The following LDLRAD4 variants were observed in gnomAD, a reference collection of about 807,000 sequenced individuals.
LDLRAD4 encodes the protein low-density lipoprotein receptor class A domain-containing protein 4.
Under a neutral mutation model 17.0 loss-of-function variants are expected in LDLRAD4, and 5 were observed. That is an observed-to-expected ratio of 0.29 (90% confidence interval 0.15 to 0.62). The LOEUF is 0.62. Among genes scored for constraint, LDLRAD4 ranks in the 20% least tolerant of loss-of-function variants. LDLRAD4 has a pLI of 0.84. For synonymous variants in LDLRAD4, 168 were observed against 171.8 expected (o/e 0.98, Z 0.17); for missense variants, 340 against 424.7 (o/e 0.80, Z 1.75).
intron 1 of LDLRAD4, among the ~76,000 whole-genome samples, chr18:13,289,052 A>G (rs2045816499): frequency 1.3e-5 from 2 of 152,236 alleles, no homozygotes; most frequent in East Asian, 1.9e-4. Flanking sequence ...TAGAAACACC[A>G]GTCAGGCCTC....
At chr18:13,257,718 C>T (rs995010550) in intron 1 of LDLRAD4, among the ~76,000 whole-genome samples, 1 of 152,182 alleles carries the variant, frequency 6.6e-6, no homozygotes, top group African/African-American at 2.4e-5. Context: ...TTGGTTGTCA[C>T]AAGTGGGAGG....
chr18:13,451,630 A>G (rs61287701), intron 3 of LDLRAD4, among the ~76,000 whole-genome samples: 32,101 of 152,106 alleles, frequency 0.21, 5,235 homozygotes, highest in African/African-American at 0.46. Context: ...ATAAACAATC[A>G]AAATGTGCAT....
intron 1 of LDLRAD4, among the ~76,000 whole-genome samples, chr18:13,244,583 T>G (rs961655308): frequency 1.3e-5 from 2 of 152,252 alleles, no homozygotes; most frequent in African/African-American, 4.8e-5. Flanking sequence ...ATCCTTGAAA[T>G]CTTTAAACAT....
chr18:13,508,009 G>A (rs950561086), intron 3 of LDLRAD4, among the ~76,000 whole-genome samples: 1 of 149,318 alleles, frequency 6.7e-6, no homozygotes, highest in African/African-American at 2.6e-5. Context: ...AGTTCTTGAA[G>A]GAAATTAAAA....
intron 1 of LDLRAD4, among the ~76,000 whole-genome samples, chr18:13,339,550 T>G (rs942204020): frequency 1.1e-4 from 16 of 152,170 alleles, no homozygotes; most frequent in Non-Finnish European, 1.8e-4. Flanking sequence ...GACAAAAAGT[T>G]AGCATAAAAA....
chr18:13,607,229 A>G (rs2095233730), intron 3 of LDLRAD4, among the ~76,000 whole-genome samples: 1 of 152,194 alleles, frequency 6.6e-6, no homozygotes, highest in South Asian at 2.1e-4. Flanking sequence ...CTTGGACAAA[A>G]GACTCACCCT....
chr18:13,535,078 A>G (rs1390482580), intron 3 of LDLRAD4, among the ~76,000 whole-genome samples: 6 of 152,132 alleles, frequency 3.9e-5, no homozygotes. Context: ...CCACTCATCC[A>G]TTGACGGAAC....
intron 3 of LDLRAD4, among the ~76,000 whole-genome samples, chr18:13,590,004 C>T (rs576136696): frequency 4.5e-4 from 66 of 147,990 alleles, no homozygotes; most frequent in African/African-American, 1.4e-3. Context: ...GGGGTGTGCA[C>T]GTGTGTGGCT....
chr18:13,610,665 G>A (rs1307083463), intron 3 of LDLRAD4, among the ~76,000 whole-genome samples: 6 of 152,194 alleles, frequency 3.9e-5, no homozygotes, highest in Non-Finnish European at 8.8e-5. Flanking sequence ...TTGAGGGCAA[G>A]CCTATCATGT....
intron 2 of LDLRAD4, among the ~76,000 whole-genome samples, chr18:13,406,835 G>C (rs1568109861): frequency 6.6e-6 from 1 of 152,184 alleles, no homozygotes; most frequent in East Asian, 1.9e-4. Context: ...CTCCAGGGCT[G>C]CCTGTCCCTG....
At chr18:13,239,877 G>T (rs1263511563) in intron 1 of LDLRAD4, 1 of 152,318 alleles carries the variant, frequency 6.6e-6, no homozygotes, top group Non-Finnish European at 1.5e-5. Flanking sequence ...TGCGACTGTA[G>T]CTGTTTGTGC....
intron 2 of LDLRAD4, among the ~76,000 whole-genome samples, chr18:13,436,611 G>A (rs1245162322): frequency 6.6e-6 from 1 of 152,134 alleles, no homozygotes; most frequent in Non-Finnish European, 1.5e-5. Context: ...ATTTCTTTTG[G>A]AAAGGAAGAT....
At chr18:13,231,937 T>C (rs1234981213) in intron 1 of LDLRAD4, among the ~76,000 whole-genome samples, 2 of 152,248 alleles carry the variant, frequency 1.3e-5, no homozygotes, top group Non-Finnish European at 2.9e-5. Context: ...CCAAACCACA[T>C]GGCAGGCTGT....
At chr18:13,553,724 C>G (rs2094457227) in intron 3 of LDLRAD4, among the ~76,000 whole-genome samples, 2 of 152,200 alleles carry the variant, frequency 1.3e-5, no homozygotes, top group South Asian at 4.1e-4. Context: ...ATAACCGCGT[C>G]TGTCCTTCGC....
At chr18:13,373,396 ATGTT>A (rs2084666952) in intron 1 of LDLRAD4, among the ~76,000 whole-genome samples, 1 of 152,188 alleles carries the variant, frequency 6.6e-6, no homozygotes, top group Non-Finnish European at 1.5e-5. Context: ...CACAGACTGT[ATGTT>A]CAATGTTTTC....
At chr18:13,397,027 G>A (rs555901857) in intron 2 of LDLRAD4, among the ~76,000 whole-genome samples, 2 of 152,378 alleles carry the variant, frequency 1.3e-5, no homozygotes, top group Non-Finnish European at 2.9e-5. Flanking sequence ...CTAAGGAGAT[G>A]GGGGTGTGCC....
intron 2 of LDLRAD4, among the ~76,000 whole-genome samples, chr18:13,421,691 C>A (rs370855015): frequency 7.2e-5 from 11 of 152,312 alleles, no homozygotes; most frequent in African/African-American, 2.4e-4. Context: ...CCTGAGTTCC[C>A]CCTGCCCCCC....
At chr18:13,601,031 A>T (rs945095266) in intron 3 of LDLRAD4, among the ~76,000 whole-genome samples, 1 of 152,082 alleles carries the variant, frequency 6.6e-6, no homozygotes, top group Non-Finnish European at 1.5e-5. Context: ...TTTAGGGAGG[A>T]TGGGCACCTG....
At chr18:13,488,586 C>A (rs986559155) in intron 3 of LDLRAD4, 2 of 152,246 alleles carry the variant, frequency 1.3e-5, no homozygotes, top group Non-Finnish European at 2.9e-5. Context: ...ACTGACTTGT[C>A]GTTTGCCTCC....
Sources: allele counts gnomAD v4.1 joint callset (sites outside exome capture counted in the v4.1 genomes callset), GRCh38; gene constraint gnomAD v4.1.1; transcripts MANE v1.5; gene names NCBI Gene and HGNC (gene_info 2026-07-23, HGNC 2026-07-21).